Variants in GON4L observed in about 807,000 individuals in gnomAD.
The protein encoded by GON4L is GON-4-like protein.
GON4L carries 87 observed loss-of-function variants against 211.8 expected under a neutral mutation model. The ratio of observed to expected loss-of-function variants is 0.41; its 90% CI spans 0.35 to 0.49. GON4L has a LOEUF of 0.49. GON4L is among the 20% of genes least tolerant of loss of function. The probability of loss-of-function intolerance (pLI) is 0.15; values close to 1 mark genes in which losing one functional copy is unlikely to be tolerated. For synonymous variants in GON4L, 875 were observed against 962.6 expected, an observed-to-expected ratio of 0.91 and a Z score of 1.68; for missense variants, 2,155 against 2,659.5, an observed-to-expected ratio of 0.81 and a Z score of 4.17.
rs1468188510 is a variant in GON4L at position 155,775,106 on chromosome 1, G to T, written c.2246C>A (p.Thr749Asn). The T allele has an allele frequency of 1.2e-6, 2 of 1,613,930 alleles. No individual in the cohort carries two copies. Among genetic ancestry groups the T allele is most frequent in the Admixed American group, 1.7e-5 (1 of 59,976 alleles). The change falls in exon 17 of 32, where the codon ACC becomes AAC. Residue 749 changes from threonine to asparagine, a missense_variant. Thr to Asn is a moderately conservative substitution (Grantham distance 65). This residue lies in a region of GON4L where 551 missense variants were observed against 854.0 expected (regional missense o/e 0.65). Transcript: ENST00000368331. ...LHHQYNPKFQTLFQPCNLMGA... is the reference protein window; with the variant it reads ...LHHQYNPKFQNLFQPCNLMGA... ...CATCAAGTTACAGGGTTGGAACAGG[G>T]TCTGAAACTTGGGGTTGTACTGATG...
chr1:155,829,912 T>C (rs1669585942), intron 2 of GON4L, among the ~76,000 whole-genome samples: 1 of 151,970 alleles, frequency 6.6e-6, no homozygotes, highest in Admixed American at 6.6e-5. Flanking sequence ...GAAAAATGAT[T>C]TTGTGGTGCA....
intron 10 of GON4L, among the ~76,000 whole-genome samples, chr1:155,812,482 A>G (rs982235961): frequency 6.6e-6 from 1 of 152,152 alleles, no homozygotes; most frequent in African/African-American, 2.4e-5. Flanking sequence ...TTCCTCCAAC[A>G]TAAAGGGCAT....
chr1:155,854,972 T>C (rs898536624), intron 1 of GON4L, among the ~76,000 whole-genome samples: 2 of 150,534 alleles, frequency 1.3e-5, no homozygotes, highest in Non-Finnish European at 3.0e-5. Context: ...AGACAGAGGT[T>C]GCAGTGAGCC....
In GON4L at chr1:155,777,796, C is replaced by A. The variant is rs762301527; in HGVS notation, c.1917G>T (p.Leu639=). The part of the protein sequence containing the change: ...ALRFEEPLAN[L]LNEQHRTVKE... The stretch of plus-strand genomic sequence containing the variant: ...TCACTGTCCGATGTTGTTCATTTAA[C>A]AGGTTGGCCAGTGGTTCCTCAAACC... The change falls in exon 15 of 32, where the codon CTG becomes CTT. Residue 639 remains leucine, a synonymous_variant. Transcript: ENST00000368331. 2 of 1,612,966 alleles carry A rather than the reference C, an allele frequency of 1.2e-6. No homozygotes were observed. Among genetic ancestry groups the A allele is most frequent in the Non-Finnish European group, 1.7e-6 (2 of 1,179,048 alleles).
chr1:155,798,408 C>CTTTT (rs35010499), intron 11 of GON4L, among the ~76,000 whole-genome samples: 10 of 125,028 alleles, frequency 8.0e-5, no homozygotes, highest in East Asian at 4.5e-4. Context: ...ACAGCAAGTT[C>CTTTT]TTTTTTTTTT....
chr1:155,824,434 C>CAA (rs769823401), intron 3 of GON4L, among the ~76,000 whole-genome samples: 5 of 7,438 alleles, frequency 6.7e-4, no homozygotes, highest in Non-Finnish European at 1.0e-3. Flanking sequence ...AACTCCACAT[C>CAA]AAAAAAAAAA....
intron 12 of GON4L, among the ~76,000 whole-genome samples, chr1:155,792,334 G>GA (rs1037745646): frequency 2.0e-5 from 3 of 151,192 alleles, no homozygotes; most frequent in Non-Finnish European, 4.4e-5. Context: ...ACAAGAGGCA[G>GA]AAAAAAAAAT....
chr1:155,784,282 A>AAG (rs1362083474), intron 13 of GON4L, 193 bp from the exon 14 acceptor site: 2 of 676,908 alleles, frequency 3.0e-6, no homozygotes, highest in Non-Finnish European at 5.0e-6. Context: ...TATGCCAAGA[A>AAG]AGAAGTCATT....
intron 2 of GON4L, among the ~76,000 whole-genome samples, chr1:155,851,036 G>C (rs1336479958): frequency 7.3e-5 from 7 of 95,396 alleles, no homozygotes; most frequent in Non-Finnish European, 1.4e-4. Context: ...CCTGGCAACA[G>C]AGCGAGACTC....
At chr1:155,754,118 T>C (rs1660897160) in intron 28 of GON4L, 1 of 512,820 alleles carries the variant, frequency 1.9e-6, no homozygotes, top group Non-Finnish European at 3.5e-6. Flanking sequence ...TTTCATTTTC[T>C]AATATCTGAG....
At chr1:155,796,039 G>A (rs1666035533) in intron 11 of GON4L, among the ~76,000 whole-genome samples, 1 of 152,054 alleles carries the variant, frequency 6.6e-6, no homozygotes, top group South Asian at 2.1e-4. Context: ...TTCCGGTCCT[G>A]AGCATTTTGG....
chr1:155,794,732 T>C (rs1665913196), intron 12 of GON4L, among the ~76,000 whole-genome samples: 1 of 152,220 alleles, frequency 6.6e-6, no homozygotes, highest in South Asian at 2.1e-4. Flanking sequence ...CATTTATCAC[T>C]TTGTATTGTA....
chr1:155,805,712 CAT>C (rs1451622009), intron 10 of GON4L, among the ~76,000 whole-genome samples: 3 of 149,266 alleles, frequency 2.0e-5, no homozygotes, highest in African/African-American at 7.4e-5. Flanking sequence ...TTTTTTGAGA[CAT>C]AGTCTTGCTT....
chr1:155,796,321 A>G (rs1666063894), intron 11 of GON4L, among the ~76,000 whole-genome samples: 1 of 149,558 alleles, frequency 6.7e-6, no homozygotes, highest in African/African-American at 2.5e-5. Context: ...TTTGTCACCC[A>G]GGTTGGAGTG....
intron 14 of GON4L, among the ~76,000 whole-genome samples, chr1:155,778,337 C>T (rs1447971166): frequency 5.3e-5 from 8 of 152,108 alleles, no homozygotes; most frequent in African/African-American, 1.4e-4. Context: ...CTGCAACCTC[C>T]GCCTCCAGGG....
At chr1:155,754,534 T>TG in intron 27 of GON4L, 46 bp from the exon 28 acceptor site, 1 of 1,180,970 alleles carries the variant, frequency 8.5e-7, no homozygotes, top group South Asian at 1.3e-5. Flanking sequence ...GTTTTTTTTT[T>TG]TTTTTTTTTT....
intron 19 of GON4L, among the ~76,000 whole-genome samples, chr1:155,770,023 TAAAAAAAAAAAAAAAAA>T (rs59380170): frequency 6.2e-3 from 272 of 43,726 alleles, no homozygotes; most frequent in African/African-American, 0.014. Context: ...CTCCATTTCT[TAAAAAAAAAAAAAAAAA>T]AAAAAAAAAA....
At chr1:155,846,161 C>T (rs1306253466) in intron 2 of GON4L, 1 of 231,442 alleles carries the variant, frequency 4.3e-6, no homozygotes, top group African/African-American at 2.3e-5. Context: ...CTCGCTGATC[C>T]ATTCTGTGAT....
intron 6 of GON4L, among the ~76,000 whole-genome samples, chr1:155,818,309 G>A (rs186533942): frequency 6.6e-5 from 10 of 151,938 alleles, no homozygotes; most frequent in Admixed American, 1.3e-4. Context: ...ACGGGGTTTC[G>A]CCATGTTGGC....
Sources: gnomAD v4.1 joint callset for allele counts (sites outside exome capture counted in the v4.1 genomes callset) on GRCh38, gnomAD v4.1.1 for gene constraint, gnomAD v4.1.1 regional missense constraint, MANE v1.5 for transcripts, NCBI Gene and HGNC (gene_info 2026-07-23, HGNC 2026-07-21) for gene names.